The following CAV1 variants were observed in gnomAD, a reference collection of about 807,000 sequenced individuals.
The protein encoded by CAV1 is caveolin 1, also known as caveolin-1.
Under a neutral mutation model 16.5 loss-of-function variants are expected in CAV1, and 10 were observed. The observed-to-expected ratio is 0.61, with a 90% CI of 0.37 to 1.03. CAV1 has a LOEUF of 1.03. Ranked by LOEUF, CAV1 falls within the 50% of genes least tolerant of loss-of-function variation. The probability of loss-of-function intolerance (pLI) is 0.01; values close to 1 mark genes in which losing one functional copy is unlikely to be tolerated. For missense variants in CAV1, 212 were observed against 232.8 expected (o/e 0.91, Z 0.58); for synonymous variants, 76 against 85.1 (o/e 0.89, Z 0.59).
chr7:116,545,864 A>T (rs1009598623), intron 2 of CAV1, among the ~76,000 whole-genome samples: 43 of 152,368 alleles, frequency 2.8e-4, no homozygotes, highest in Middle Eastern at 3.4e-3. Context: ...AAGAATAACA[A>T]ACTCCCAAGT....
At chr7:116,536,726 G>A (rs544631682) in intron 2 of CAV1, among the ~76,000 whole-genome samples, 476 of 152,296 alleles carry the variant, frequency 3.1e-3, no homozygotes, top group Non-Finnish European at 4.7e-3. Context: ...CATTAAGGCC[G>A]GGCGCGGTGG....
chr7:116,550,710 ACT>A (rs1184889422), intron 2 of CAV1, among the ~76,000 whole-genome samples: 1 of 152,104 alleles, frequency 6.6e-6, no homozygotes, highest in Non-Finnish European at 1.5e-5. Flanking sequence ...ATTGGTCTAA[ACT>A]CTGTATAACT....
In CAV1 at chr7:116,536,936, GA is replaced by G. The variant is rs1325636819; in HGVS notation, c.195+10248del. Among the ~76,000 whole-genome samples, 13 of 147,652 alleles carry G rather than the reference GA, an allele frequency of 8.8e-5. No homozygotes were observed. In the East Asian group the frequency reaches 2.6e-3, roughly 30 times the overall value. On this transcript the variant is annotated intron_variant, in intron 2 of 2. Coordinates refer to ENST00000341049, the MANE Select transcript of CAV1 (RefSeq NM_001753.5). ...GAGAATGGCGTGAACCCAGGAAGCG[GA>G]GCTTGCAGTGAGCCGAGATTGCGCC... is the stretch of plus-strand genomic sequence containing the variant.
chr7:116,526,457 T>C, intron 1 of CAV1, 68 bp from the exon 2 acceptor site: 1 of 1,608,766 alleles, frequency 6.2e-7, no homozygotes. Context: ...GTTTTTCTTT[T>C]TGCATTTTTC....
chr7:116,555,518 A>AAGAGAGAGAG lies in CAV1; in HGVS notation c.196-3410_196-3401dup, dbSNP rs1187575266. The stretch of plus-strand genomic sequence containing the variant: ...AAAGAAAGAAAGAAAGAAAGAAAGA[A>AAGAGAGAGAG]AGAGAGAGAGAGAGAGAGAGAGAGA... On this transcript the variant is annotated intron_variant, in intron 2 of 2. Transcript: ENST00000341049. Among the ~76,000 whole-genome samples, 3 of 14,054 alleles carry AAGAGAGAGAG rather than the reference A, an allele frequency of 2.1e-4. 1 individual carries two copies. Among genetic ancestry groups the AAGAGAGAGAG allele is most frequent in the African/African-American group, 7.2e-4 (3 of 4,178 alleles). The allele number at this position is 14,054 out of a possible 152,430, so 9.2% of individuals were successfully genotyped here.
At chr7:116,543,454 A>G (rs1793978136) in intron 2 of CAV1, among the ~76,000 whole-genome samples, 1 of 152,220 alleles carries the variant, frequency 6.6e-6, no homozygotes, top group Admixed American at 6.5e-5. Context: ...TTTGGTACTG[A>G]AGAAGATCAA....
intron 2 of CAV1, among the ~76,000 whole-genome samples, chr7:116,544,035 G>A (rs1410228235): frequency 6.6e-6 from 1 of 152,098 alleles, no homozygotes; most frequent in Non-Finnish European, 1.5e-5. Flanking sequence ...TGATTCTGAA[G>A]GTAAACATGA....
At chr7:116,541,562 A>G (rs1793936227) in intron 2 of CAV1, among the ~76,000 whole-genome samples, 1 of 152,054 alleles carries the variant, frequency 6.6e-6, no homozygotes, top group African/African-American at 2.4e-5. Flanking sequence ...ACCAGCCTGG[A>G]CAACATGGTG....
chr7:116,553,207 A>G (rs1014061250), intron 2 of CAV1, among the ~76,000 whole-genome samples: 2 of 152,120 alleles, frequency 1.3e-5, no homozygotes, highest in Non-Finnish European at 2.9e-5. Context: ...GCACATGTAA[A>G]CTGTTTTTCA....
In CAV1 at chr7:116,534,362, GATATATATATAT is replaced by G. The variant is rs1181031913; in HGVS notation, c.195+7696_195+7707del. On this transcript the variant is annotated intron_variant, in intron 2 of 2. Coordinates refer to ENST00000341049, the MANE Select transcript of CAV1 (RefSeq NM_001753.5). ...AATACAGATGCCTGGGCCCACCTCA[GATATATATATAT>G]ATATATATATATATATATATATTTT... is the stretch of plus-strand genomic sequence containing the variant. Among the ~76,000 whole-genome samples the G allele has an allele frequency of 4.9e-3, 210 of 42,610 alleles. 3 individuals carry two copies. Among genetic ancestry groups the G allele is most frequent in the African/African-American group, 8.3e-3 (111 of 13,322 alleles). 28.0% of individuals were successfully genotyped at this position (42,610 alleles called of 152,430 possible). A position where few individuals can be genotyped will look rare whatever the true frequency, so the allele number is the denominator to read the frequency against.
chr7:116,529,517 A>G (rs969363360), intron 2 of CAV1, among the ~76,000 whole-genome samples: 3 of 152,218 alleles, frequency 2.0e-5, no homozygotes, highest in Non-Finnish European at 4.4e-5. Context: ...GGACAGTGCC[A>G]GATTAGGGTG....
intron 2 of CAV1, 38 bp downstream of exon 2, chr7:116,526,727 C>G (rs763409586): frequency 1.1e-5 from 17 of 1,612,678 alleles, no homozygotes; most frequent in Non-Finnish European, 1.4e-5. Flanking sequence ...GCTGGGACAG[C>G]TCTCCTCTGG....
In CAV1 at chr7:116,541,114, A is replaced by T. The variant is rs113589025; in HGVS notation, c.195+14425A>T. Among the ~76,000 whole-genome samples the T allele has an allele frequency of 9.4e-3, 1,433 of 152,338 alleles. 24 individuals are homozygous for T. The highest frequency in any genetic ancestry group is 0.033 in the African/African-American group (1,359 of 41,572). ...AGAAGCACAATGAAATATTTCAAGG[A>T]ATGTCACATACAAGATTCTGTACCT... On this transcript the variant is annotated intron_variant, in intron 2 of 2. Transcript: ENST00000341049.
intron 2 of CAV1, among the ~76,000 whole-genome samples, chr7:116,530,596 G>A (rs1486377396): frequency 6.6e-6 from 1 of 152,138 alleles, no homozygotes; most frequent in Admixed American, 6.5e-5. Context: ...GGGTCATGGA[G>A]GACAGATGGA....
At chr7:116,553,072 T>A (rs1794195959) in intron 2 of CAV1, among the ~76,000 whole-genome samples, 1 of 152,230 alleles carries the variant, frequency 6.6e-6, no homozygotes, top group Non-Finnish European at 1.5e-5. Flanking sequence ...AGAAACAGAA[T>A]GTGTAAGATC....
chr7:116,555,520 G>GAA (rs1448156661), intron 2 of CAV1, among the ~76,000 whole-genome samples: 526 of 8,800 alleles, frequency 0.06, 86 homozygotes, highest in South Asian at 0.16. Context: ...AAGAAAGAAA[G>GAA]AGAGAGAGAG....
chr7:116,544,300 T>G (rs1406858221), intron 2 of CAV1, among the ~76,000 whole-genome samples: 1 of 152,194 alleles, frequency 6.6e-6, no homozygotes, highest in East Asian at 1.9e-4. Context: ...CCTGGGAGAT[T>G]TTATCAGGTT....
chr7:116,554,540 T>G lies in CAV1; in HGVS notation c.196-4406T>G, dbSNP rs147944431. Among the ~76,000 whole-genome samples the G allele has an allele frequency of 9.7e-3, 1,470 of 152,304 alleles. 26 individuals carry two copies. Among genetic ancestry groups the G allele is most frequent in the African/African-American group, 0.034 (1,397 of 41,552 alleles). ...GGAATCAGGAAATTAGAGTTCTAAT[T>G]GCAGCTTTTCCATTGATTCACTTGG... On this transcript the variant is annotated intron_variant, in intron 2 of 2. Coordinates refer to ENST00000341049, the MANE Select transcript of CAV1 (RefSeq NM_001753.5).
intron 2 of CAV1, among the ~76,000 whole-genome samples, chr7:116,537,387 C>G (rs1793845458): frequency 6.6e-6 from 1 of 151,974 alleles, no homozygotes; most frequent in Non-Finnish European, 1.5e-5. Flanking sequence ...TTCCAGCACT[C>G]CCTATAGGCT....
Sources: allele counts gnomAD v4.1 joint callset (sites outside exome capture counted in the v4.1 genomes callset), GRCh38; gene constraint gnomAD v4.1.1; transcripts MANE v1.5; gene names NCBI Gene and HGNC (gene_info 2026-07-23, HGNC 2026-07-21).